TNFAIP8: variants seen among roughly 807,000 people sequenced by gnomAD.
TNFAIP8 encodes the protein TNF alpha induced protein 8.
In TNFAIP8, 7 loss-of-function variants were observed where a neutral mutation model predicts 13.3. That is an observed-to-expected ratio of 0.52 (90% CI 0.30 to 0.99). The LOEUF (loss-of-function observed/expected upper bound fraction) is 0.99. Among genes scored for constraint, TNFAIP8 ranks in the 50% least tolerant of loss-of-function variants. The pLI, the probability that TNFAIP8 is intolerant of heterozygous loss-of-function variation, is 0.07. For synonymous variants in TNFAIP8, 94 were observed against 87.6 expected (o/e 1.07, Z -0.41); for missense variants, 258 against 236.9 (o/e 1.09, Z -0.58).
intron 1 of TNFAIP8, among the ~76,000 whole-genome samples, chr5:119,276,521 C>T (rs1054666149): frequency 6.6e-6 from 1 of 152,152 alleles, no homozygotes; most frequent in Non-Finnish European, 1.5e-5. Flanking sequence ...AGACTGGTGG[C>T]TTAAACAACA....
intron 1 of TNFAIP8, among the ~76,000 whole-genome samples, chr5:119,380,985 A>G (rs1752462404): frequency 1.3e-5 from 2 of 152,228 alleles, no homozygotes; most frequent in African/African-American, 2.4e-5. Context: ...TAGCCAGAGT[A>G]CGTCTGAAAA....
chr5:119,290,411 C>T (rs1377927821), intron 1 of TNFAIP8, among the ~76,000 whole-genome samples: 4 of 152,076 alleles, frequency 2.6e-5, no homozygotes, highest in Admixed American at 6.5e-5. Flanking sequence ...AAGTGGTAGT[C>T]GCTCTAGGCA....
At chr5:119,284,075 A>T (rs1304880019) in intron 1 of TNFAIP8, among the ~76,000 whole-genome samples, 1 of 152,180 alleles carries the variant, frequency 6.6e-6, no homozygotes, top group Non-Finnish European at 1.5e-5. Context: ...CTCTCTGTAC[A>T]TTGCCACATT....
chr5:119,324,538 G>T (rs1285262912), intron 1 of TNFAIP8, among the ~76,000 whole-genome samples: 4 of 151,826 alleles, frequency 2.6e-5, no homozygotes, highest in Non-Finnish European at 4.4e-5. Context: ...TTTCTGTTTC[G>T]CTTTGAAAAT....
chr5:119,389,624 G>A (rs1047357738), intron 1 of TNFAIP8, among the ~76,000 whole-genome samples: 1 of 152,120 alleles, frequency 6.6e-6, no homozygotes, highest in Non-Finnish European at 1.5e-5. Context: ...GCCCCAGTTG[G>A]CTTCAAAAAA....
chr5:119,355,956 C>T (rs1581637765), upstream of TNFAIP8: 1 of 1,468,174 alleles, frequency 6.8e-7, no homozygotes, highest in East Asian at 2.7e-5. Flanking sequence ...CTCTCCCGCC[C>T]CGGGGAGGTT....
intron 1 of TNFAIP8, among the ~76,000 whole-genome samples, chr5:119,325,608 C>A (rs1043357630): frequency 1.3e-5 from 2 of 152,192 alleles, no homozygotes; most frequent in Non-Finnish European, 2.9e-5. Context: ...CCACCATACC[C>A]GGCTAATTTT....
intron 1 of TNFAIP8, among the ~76,000 whole-genome samples, chr5:119,298,582 G>T (rs1749255527): frequency 6.6e-6 from 1 of 151,580 alleles, no homozygotes; most frequent in South Asian, 2.1e-4. Flanking sequence ...ACAATTATGT[G>T]TCTTGGAGTT....
chr5:119,326,125 G>A (rs979899197), intron 1 of TNFAIP8, among the ~76,000 whole-genome samples: 2 of 152,152 alleles, frequency 1.3e-5, no homozygotes, highest in African/African-American at 2.4e-5. Flanking sequence ...CATTCAGTAG[G>A]TACTAGGTAA....
chr5:119,384,213 G>A (rs531295405), intron 1 of TNFAIP8, among the ~76,000 whole-genome samples: 2 of 152,166 alleles, frequency 1.3e-5, no homozygotes, highest in African/African-American at 4.8e-5. Context: ...GGCCCGGCAC[G>A]GTGGCTCACG....
chr5:119,390,201 T>TA (rs796874350), intron 1 of TNFAIP8, among the ~76,000 whole-genome samples: 249 of 151,172 alleles, frequency 1.6e-3, no homozygotes, highest in African/African-American at 3.7e-3. Flanking sequence ...TCTAAAACAT[T>TA]AAAAAAAAAC....
intron 1 of TNFAIP8, among the ~76,000 whole-genome samples, chr5:119,286,870 G>T (rs1410591114): frequency 6.6e-6 from 1 of 152,140 alleles, no homozygotes. Context: ...AATGCACAGA[G>T]CCCAGAGGAC....
chr5:119,315,365 T>G (rs969609220), intron 1 of TNFAIP8, among the ~76,000 whole-genome samples: 2 of 152,242 alleles, frequency 1.3e-5, no homozygotes, highest in Non-Finnish European at 2.9e-5. Context: ...ATTACAGGTA[T>G]TAGCCATCTC....
intron 1 of TNFAIP8, among the ~76,000 whole-genome samples, chr5:119,299,862 A>G (rs1014825249): frequency 1.3e-5 from 2 of 152,086 alleles, no homozygotes; most frequent in African/African-American, 4.8e-5. Context: ...TTGATCTCAG[A>G]CTGCTGTGCT....
intron 1 of TNFAIP8, among the ~76,000 whole-genome samples, chr5:119,308,063 C>A (rs1749618694): frequency 1.3e-5 from 2 of 152,174 alleles, no homozygotes; most frequent in South Asian, 4.1e-4. Flanking sequence ...ATTCTAACCC[C>A]TGTAATTTAC....
At chr5:119,356,885 C>T (rs1472221589) in intron 1 of TNFAIP8, among the ~76,000 whole-genome samples, 1 of 151,706 alleles carries the variant, frequency 6.6e-6, no homozygotes, top group Non-Finnish European at 1.5e-5. Context: ...TTTATGTATA[C>T]AAAAGTTCTC....
At chr5:119,321,914 T>C (rs996102248) in intron 1 of TNFAIP8, among the ~76,000 whole-genome samples, 3 of 152,120 alleles carry the variant, frequency 2.0e-5, no homozygotes, top group African/African-American at 2.4e-5. Context: ...CCAATTCTGC[T>C]ACCTAATTTC....
Position 119,272,612 on chromosome 5 carries a change from T to C in TNFAIP8, c.1+3705T>C, listed in dbSNP as rs551156814. ...AAACCTGATTCCATAGGATTTTGTT[T>C]TACATCAGACATAAGTTACCTGAGA... On this transcript the variant is annotated intron_variant, in intron 1 of 1. Transcript: ENST00000274456. 2.0e-5 allele frequency among the ~76,000 whole-genome samples: 3 copies of C among 152,348 alleles called. No individual in the cohort carries two copies. The East Asian group carries it at 5.8e-4, about 29-fold the overall frequency.
At chr5:119,339,138 A>G (rs188119174) in intron 1 of TNFAIP8, among the ~76,000 whole-genome samples, 14 of 152,308 alleles carry the variant, frequency 9.2e-5, no homozygotes, top group African/African-American at 2.9e-4. Flanking sequence ...TTCTACAGCA[A>G]TTCTAGACTT....
Sources: gnomAD v4.1 joint callset for allele counts (sites outside exome capture counted in the v4.1 genomes callset) on GRCh38, gnomAD v4.1.1 for gene constraint, MANE v1.5 for transcripts, NCBI Gene and HGNC (gene_info 2026-07-23, HGNC 2026-07-21) for gene names.